The following YWHAE variants were observed in gnomAD, a reference collection of about 807,000 sequenced individuals.
YWHAE encodes 14-3-3 protein epsilon.
In YWHAE, 4 loss-of-function variants were observed where a neutral mutation model predicts 30.1. The ratio of observed to expected loss-of-function variants is 0.13; its 90% CI spans 0.07 to 0.30. YWHAE has a LOEUF of 0.30. Ranked by LOEUF, YWHAE falls within the 10% of genes least tolerant of loss-of-function variation. The pLI is 1.00. For synonymous variants in YWHAE, 118 were observed against 111.8 expected (o/e 1.06, Z -0.35); for missense variants, 121 against 315.9 (o/e 0.38, Z 4.68).
rs150150546 is a variant in YWHAE, at chr17:1,357,245, T to C, written c.579-2898A>G. Among the ~76,000 whole-genome samples the C allele has an allele frequency of 6.4e-3, 972 of 151,576 alleles. 13 individuals are homozygous for C. Among genetic ancestry groups the C allele is most frequent in the African/African-American group, 0.015 (632 of 41,298 alleles). On this transcript the variant is annotated intron_variant, in intron 4 of 5. Coordinates refer to ENST00000264335, the MANE Select transcript of YWHAE (RefSeq NM_006761.5). ...GGTGAAACCCCATCTCTACTAAAAA[T>C]ACCAAAAATTAGCCGGGCGTGGTGG...
At chr17:1,358,793 G>A (rs1163165125) in intron 4 of YWHAE, among the ~76,000 whole-genome samples, 2 of 139,052 alleles carry the variant, frequency 1.4e-5, no homozygotes, top group Non-Finnish European at 3.0e-5. Context: ...TCGCACCACT[G>A]TACTCCAGCC....
At chr17:1,370,337 T>C (rs1486449603) in intron 1 of YWHAE, among the ~76,000 whole-genome samples, 4 of 151,882 alleles carry the variant, frequency 2.6e-5, no homozygotes, top group East Asian at 1.9e-4. Context: ...TTCACCATGT[T>C]AGCCAGGACG....
At chr17:1,347,211 C>G (rs189125379) in intron 5 of YWHAE, among the ~76,000 whole-genome samples, 1 of 150,276 alleles carries the variant, frequency 6.7e-6, no homozygotes, top group South Asian at 2.1e-4. Context: ...TGGTGGCAGG[C>G]GCCTGTAGTC....
At chr17:1,370,721 A>T (rs573623286) in intron 1 of YWHAE, among the ~76,000 whole-genome samples, 3 of 151,868 alleles carry the variant, frequency 2.0e-5, no homozygotes, top group Admixed American at 6.6e-5. Context: ...GCAGGCTGGG[A>T]GCGGTGGCTC....
chr17:1,355,040 G>A (rs1413314551), intron 4 of YWHAE, among the ~76,000 whole-genome samples: 3 of 105,276 alleles, frequency 2.8e-5, no homozygotes, highest in East Asian at 3.1e-4. Context: ...GAACTCCTGC[G>A]TTCAAGCAAT....
chr17:1,365,070 A>G lies in YWHAE; in HGVS notation c.65-12T>C. Reference sequence around the variant, plus strand: ...TGACTCCACCATTTCTGTATGGGAAAAGGAAAAGTCAGACCTTACAAATTT... The same window carrying G: ...TGACTCCACCATTTCTGTATGGGAAGAGGAAAAGTCAGACCTTACAAATTT... On this transcript the variant is annotated splice_polypyrimidine_tract_variant and intron_variant, in intron 1 of 5. Coordinates refer to ENST00000264335, the MANE Select transcript of YWHAE (RefSeq NM_006761.5). The G allele has an allele frequency of 6.2e-7, 1 of 1,613,048 alleles. No homozygotes were observed. Among genetic ancestry groups the G allele is most frequent in the Non-Finnish European group, 8.5e-7 (1 of 1,179,746 alleles).
Position 1,400,217 on chromosome 17 carries a change from C to G in YWHAE, c.-107G>C. On this transcript the variant is annotated 5_prime_UTR_variant, in exon 1 of 6. Coordinates refer to ENST00000264335, the MANE Select transcript of YWHAE (RefSeq NM_006761.5). ...CCGGGCAGCAAAAATGGCGGCGCCT[C>G]AATCCGGGACTTCCGCCTGCGCACG... The G allele has an allele frequency of 7.7e-7, 1 of 1,293,980 alleles. No individual in the cohort carries two copies. Among genetic ancestry groups the G allele is most frequent in the Non-Finnish European group, 1.1e-6 (1 of 902,856 alleles). The allele number at this position is 1,293,980 out of a possible 1,614,324, so 80.2% of individuals were successfully genotyped here.
intron 1 of YWHAE, among the ~76,000 whole-genome samples, chr17:1,396,823 T>C (rs180801785): frequency 9.9e-5 from 15 of 152,164 alleles, no homozygotes; most frequent in East Asian, 9.7e-4. Flanking sequence ...GGTTTCTCCA[T>C]GTTGGTCAGG....
At position 1,398,317 on chromosome 17, in the gene YWHAE, T is replaced by C. The variant is rs538226046; in HGVS notation, c.64+1730A>G. ...AATAAAGACAAAGCAGACCTTGAGC[T>C]GTACTTCCCCATCTTATCCCCCCCC... On this transcript the variant is annotated intron_variant, in intron 1 of 5. Transcript: ENST00000264335. Among the ~76,000 whole-genome samples, 7 of 126,804 alleles carry C rather than the reference T, an allele frequency of 5.5e-5. No homozygotes were observed. In the East Asian group the frequency reaches 1.6e-3, roughly 29 times the overall value. 83.2% of individuals were successfully genotyped at this position (126,804 alleles called of 152,430 possible).
rs563988039 is a variant in YWHAE, at chr17:1,352,215, G to C, written c.715+1996C>G. 3.3e-5 allele frequency: 5 copies of C among 152,262 alleles called. No homozygotes were observed. The South Asian group carries it at 1.0e-3, about 32-fold the overall frequency. The allele number at this position is 152,262 out of a possible 1,614,324, so 9.4% of individuals were successfully genotyped here. A position where few individuals can be genotyped will look rare whatever the true frequency, so the allele number is the denominator to read the frequency against. Reference sequence around the variant, plus strand: ...GTGGCTCCATCTGGCACTGTTGCAAGTGTGTAAGTAAGTCCTACGTATGTG... The same window carrying C: ...GTGGCTCCATCTGGCACTGTTGCAACTGTGTAAGTAAGTCCTACGTATGTG... On this transcript the variant is annotated intron_variant, in intron 5 of 5. Coordinates refer to ENST00000264335, the MANE Select transcript of YWHAE (RefSeq NM_006761.5).
At chr17:1,359,942 G>A (rs1186941010) in intron 4 of YWHAE, among the ~76,000 whole-genome samples, 1 of 71,812 alleles carries the variant, frequency 1.4e-5, no homozygotes, top group Non-Finnish European at 2.7e-5. Flanking sequence ...GGAGGAGGGG[G>A]AGGGGGGGAG....
intron 4 of YWHAE, among the ~76,000 whole-genome samples, chr17:1,357,135 G>C (rs2072761319): frequency 6.6e-6 from 1 of 151,764 alleles, no homozygotes; most frequent in South Asian, 2.1e-4. Context: ...CGGGCGCGGT[G>C]GCTCACACCT....
intron 1 of YWHAE, among the ~76,000 whole-genome samples, chr17:1,394,460 A>AAAAAAAAAAAAAAC (rs1555647412): frequency 9.4e-5 from 13 of 137,620 alleles, no homozygotes; most frequent in African/African-American, 3.7e-4. Context: ...AAAAAAAAAA[A>AAAAAAAAAAAAAAC]ACACAAAAAT....
At chr17:1,386,648 A>C (rs1427969521) in intron 1 of YWHAE, among the ~76,000 whole-genome samples, 2 of 152,138 alleles carry the variant, frequency 1.3e-5, no homozygotes, top group East Asian at 3.8e-4. Flanking sequence ...ACCTCTCCTC[A>C]CTCTAAAAGT....
chr17:1,397,286 T>C (rs1172465970), intron 1 of YWHAE, among the ~76,000 whole-genome samples: 1 of 152,222 alleles, frequency 6.6e-6, no homozygotes, highest in African/African-American at 2.4e-5. Context: ...TTGCTTAATA[T>C]GGTTTCAAAG....
intron 1 of YWHAE, among the ~76,000 whole-genome samples, chr17:1,394,277 G>A (rs1412412269): frequency 2.0e-5 from 3 of 151,862 alleles, no homozygotes; most frequent in African/African-American, 7.3e-5. Flanking sequence ...TTTTGTCAAC[G>A]TGGGCTGTGA....
chr17:1,363,063 G>C (rs958230313), intron 2 of YWHAE, among the ~76,000 whole-genome samples: 1 of 152,020 alleles, frequency 6.6e-6, no homozygotes, highest in East Asian at 1.9e-4. Context: ...CCAAGGTATG[G>C]TGCAGCCATG....
At chr17:1,386,342 AAACT>A (rs1227079131) in intron 1 of YWHAE, among the ~76,000 whole-genome samples, 4 of 152,174 alleles carry the variant, frequency 2.6e-5, no homozygotes, top group African/African-American at 4.8e-5. Flanking sequence ...TAATTAATTT[AAACT>A]AACTCTTAAT....
intron 1 of YWHAE, among the ~76,000 whole-genome samples, chr17:1,370,305 G>A (rs1396644581): frequency 1.3e-5 from 2 of 151,024 alleles, no homozygotes; most frequent in East Asian, 3.9e-4. Flanking sequence ...TTTTTTGTGT[G>A]TATTTTTAGT....
Sources: gnomAD v4.1 joint callset for allele counts (sites outside exome capture counted in the v4.1 genomes callset) on GRCh38, gnomAD v4.1.1 for gene constraint, MANE v1.5 for transcripts, NCBI Gene and HGNC (gene_info 2026-07-23, HGNC 2026-07-21) for gene names.